The following FRMD5 variants were observed in gnomAD, a reference collection of about 807,000 sequenced individuals.
FRMD5 encodes the protein FERM domain-containing protein 5.
FRMD5 carries 20 observed loss-of-function variants against 69.0 expected under a neutral mutation model. That is an observed-to-expected ratio of 0.29 (90% CI 0.20 to 0.42). The LOEUF is 0.42. Ranked by LOEUF, FRMD5 falls within the 10% of genes least tolerant of loss-of-function variation. The pLI is 1.00. For missense variants in FRMD5, 595 were observed against 708.6 expected (o/e 0.84, Z 1.82); for synonymous variants, 271 against 260.1 (o/e 1.04, Z -0.40).
chr15:44,190,166 A>C (rs1477242118), intron 1 of FRMD5, among the ~76,000 whole-genome samples: 2 of 152,208 alleles, frequency 1.3e-5, no homozygotes, highest in Non-Finnish European at 2.9e-5. Flanking sequence ...AACTAGACAC[A>C]TTTGAGAGAC....
At position 43,906,808 on chromosome 15, in the gene FRMD5, A is replaced by G. The variant is rs548313144; in HGVS notation, c.428-857T>C. On this transcript the variant is annotated intron_variant, in intron 5 of 13. Transcript: ENST00000417257. ...AGTAGAGACGGGGTTTCACCGTGTT[A>G]GCCAGGATGGTCTCGATCTCCTGAC... Among the ~76,000 whole-genome samples the G allele has an allele frequency of 3.5e-3, 509 of 146,928 alleles. 19 individuals carry two copies. The highest frequency in any genetic ancestry group is 0.01 in the African/African-American group (375 of 36,822).
chr15:44,043,665 G>T (rs1041856544), intron 1 of FRMD5, among the ~76,000 whole-genome samples: 3 of 152,118 alleles, frequency 2.0e-5, no homozygotes, highest in African/African-American at 7.2e-5. Flanking sequence ...ACAAAAACAA[G>T]CAACAGGGAA....
At chr15:44,197,040 T>A (rs2078313975), upstream of FRMD5, among the ~76,000 whole-genome samples, 1 of 152,016 alleles carries the variant, frequency 6.6e-6, no homozygotes, top group Non-Finnish European at 1.5e-5. Context: ...AGTGTTGAAC[T>A]GAATACAAAA....
At chr15:44,166,326 A>T (rs536666121) in intron 1 of FRMD5, among the ~76,000 whole-genome samples, 1 of 152,264 alleles carries the variant, frequency 6.6e-6, no homozygotes, top group South Asian at 2.1e-4. Context: ...ATTATTAAGG[A>T]TAGTAACCCT....
At position 44,130,055 on chromosome 15, in the gene FRMD5, G is replaced by A. The variant is rs1009396947; in HGVS notation, c.102+64898C>T. On this transcript the variant is annotated intron_variant, in intron 1 of 13. Transcript: ENST00000417257. ...TCTTCCTTCTCTTAAAAGATGCTGGGATGGTTTGCACCTTGCTTGGTGATT... is the reference window on the plus strand; with the variant it reads ...TCTTCCTTCTCTTAAAAGATGCTGGAATGGTTTGCACCTTGCTTGGTGATT... Among the ~76,000 whole-genome samples the A allele has an allele frequency of 7.2e-5, 11 of 152,288 alleles. No homozygotes were observed. The South Asian group carries it at 2.3e-3, about 32-fold the overall frequency.
At chr15:43,895,331 C>T (rs1039488511) in intron 7 of FRMD5, among the ~76,000 whole-genome samples, 1 of 152,198 alleles carries the variant, frequency 6.6e-6, no homozygotes, top group Non-Finnish European at 1.5e-5. Context: ...GGAACAGAGG[C>T]CATGACACAG....
At chr15:43,915,591 A>T (rs1304381748) in intron 4 of FRMD5, among the ~76,000 whole-genome samples, 1 of 152,162 alleles carries the variant, frequency 6.6e-6, no homozygotes, top group African/African-American at 2.4e-5. Context: ...TTAAAAGCCA[A>T]ATCTGGTACC....
In FRMD5 at chr15:44,063,847, G is replaced by C. The variant is rs1893198077; in HGVS notation, c.102+131106C>G. The C allele has an allele frequency of 3.2e-5, 9 of 277,942 alleles. No homozygotes were observed. In the South Asian group the frequency reaches 3.4e-4, roughly 10 times the overall value. 17.2% of individuals were successfully genotyped at this position (277,942 alleles called of 1,614,324 possible). On this transcript the variant is annotated intron_variant, in intron 1 of 13. Coordinates refer to ENST00000417257, the MANE Select transcript of FRMD5 (RefSeq NM_032892.5). The stretch of plus-strand genomic sequence containing the variant: ...CATGAAGAAGGCTGGGACTCATTTA[G>C]ACGGGGGAACCAAAAAGGTCATCAT...
At position 44,061,367 on chromosome 15, in the gene FRMD5, C is replaced by T. The variant is rs1322118206; in HGVS notation, c.102+133586G>A. On this transcript the variant is annotated intron_variant, in intron 1 of 13. Transcript: ENST00000417257. ...TCAGTCTGGGCTTAAAGTAGACAAA[C>T]TGTAATGTCCATGGATGCTCTCACA... 2.6e-5 allele frequency among the ~76,000 whole-genome samples: 4 copies of T among 152,286 alleles called. No individual in the cohort carries two copies. In the East Asian group the frequency reaches 7.7e-4, roughly 29 times the overall value.
At chr15:43,878,927 CTTT>C (rs1567205006) in intron 13 of FRMD5, among the ~76,000 whole-genome samples, 2 of 132,632 alleles carry the variant, frequency 1.5e-5, no homozygotes, top group African/African-American at 5.7e-5. Context: ...TTTTTTTTTT[CTTT>C]TCTTTTTTTT....
intron 1 of FRMD5, among the ~76,000 whole-genome samples, chr15:43,996,715 ATTTTTTT>A (rs11397296): frequency 3.1e-4 from 27 of 86,028 alleles, no homozygotes; most frequent in Admixed American, 1.3e-3. Context: ...TCCTCAGCTG[ATTTTTTT>A]TTTTTTTTTT....
chr15:43,895,745 C>G (rs1423997166), intron 7 of FRMD5, among the ~76,000 whole-genome samples: 2 of 152,182 alleles, frequency 1.3e-5, no homozygotes, highest in East Asian at 3.8e-4. Context: ...GGGATGTTTG[C>G]AACTTGCCTC....
intron 13 of FRMD5, among the ~76,000 whole-genome samples, chr15:43,878,982 G>A (rs116759243): frequency 9.5e-4 from 129 of 135,860 alleles, no homozygotes; most frequent in African/African-American, 3.6e-3. Flanking sequence ...TCATTGCCCA[G>A]GCTGGAGTGC....
At chr15:44,151,512 T>C (rs573618420) in intron 1 of FRMD5, among the ~76,000 whole-genome samples, 3 of 151,662 alleles carry the variant, frequency 2.0e-5, no homozygotes, top group Non-Finnish European at 2.9e-5. Flanking sequence ...CAATTCAATA[T>C]ATAATTGCAT....
At chr15:44,183,891 A>G (rs12913330) in intron 1 of FRMD5, among the ~76,000 whole-genome samples, 55,234 of 151,328 alleles carry the variant, frequency 0.36, 10,437 homozygotes, top group Middle Eastern at 0.55. Flanking sequence ...CTGAGGCAGG[A>G]GAATCACTTG....
chr15:43,893,726 G>A (rs1337760576), intron 7 of FRMD5, among the ~76,000 whole-genome samples: 1 of 152,184 alleles, frequency 6.6e-6, no homozygotes, highest in Non-Finnish European at 1.5e-5. Context: ...GGCCAGGTCA[G>A]CCTGAGGTTT....
intron 1 of FRMD5, among the ~76,000 whole-genome samples, chr15:44,102,304 C>T (rs2076652209): frequency 6.6e-6 from 1 of 152,198 alleles, no homozygotes; most frequent in African/African-American, 2.4e-5. Flanking sequence ...ATCCAACAAG[C>T]ATCAGTTGAG....
At chr15:44,107,821 A>G (rs1362584139) in intron 1 of FRMD5, among the ~76,000 whole-genome samples, 2 of 152,220 alleles carry the variant, frequency 1.3e-5, no homozygotes, top group Non-Finnish European at 2.9e-5. Flanking sequence ...GGGTGGTAGA[A>G]TTACAGATGA....
intron 1 of FRMD5, among the ~76,000 whole-genome samples, chr15:44,026,498 AT>A (rs1470943834): frequency 3.9e-5 from 6 of 152,098 alleles, no homozygotes; most frequent in African/African-American, 1.4e-4. Context: ...TTTAAAAGTG[AT>A]TTGGCCCTAC....
Sources: allele counts gnomAD v4.1 joint callset (sites outside exome capture counted in the v4.1 genomes callset), GRCh38; gene constraint gnomAD v4.1.1; transcripts MANE v1.5; gene names NCBI Gene and HGNC (gene_info 2026-07-23, HGNC 2026-07-21).